Variants in VPS41 observed in about 807,000 individuals in gnomAD.
VPS41 encodes the protein VPS41 subunit of HOPS complex.
In VPS41, 85 loss-of-function variants were observed where a neutral mutation model predicts 130.9. The observed-to-expected ratio is 0.65, with a 90% confidence interval of 0.55 to 0.78. VPS41 has a LOEUF of 0.78. VPS41 is among the 30% of genes least tolerant of loss of function. The probability of loss-of-function intolerance (pLI) is 0.00; values close to 1 mark genes in which losing one functional copy is unlikely to be tolerated. For synonymous variants in VPS41, 335 were observed against 332.9 expected, an observed-to-expected ratio of 1.01 and a Z score of -0.07; for missense variants, 874 against 1,018.7, an observed-to-expected ratio of 0.86 and a Z score of 1.93.
At chr7:38,772,373 G>A in intron 13 of VPS41, 149 bp downstream of exon 13, 1 of 523,680 alleles carries the variant, frequency 1.9e-6, no homozygotes. Context: ...TTTCTGAAGG[G>A]GGTACTAGAA....
intron 5 of VPS41, among the ~76,000 whole-genome samples, chr7:38,825,237 A>C (rs778884461): frequency 6.6e-6 from 1 of 152,134 alleles, no homozygotes; most frequent in Non-Finnish European, 1.5e-5. Context: ...ACTGAGCAAC[A>C]TTTTCCTCAA....
intron 4 of VPS41, among the ~76,000 whole-genome samples, chr7:38,834,726 A>G (rs1295953094): frequency 6.6e-6 from 1 of 152,130 alleles, no homozygotes; most frequent in Non-Finnish European, 1.5e-5. Context: ...GCCCAGGAAA[A>G]TGTCTGAGAT....
chr7:38,797,261 G>C (rs1584400680), intron 7 of VPS41, among the ~76,000 whole-genome samples: 2 of 152,280 alleles, frequency 1.3e-5, no homozygotes, highest in East Asian at 3.9e-4. Context: ...CTGAAAATAA[G>C]ATATTAGTCA....
intron 14 of VPS41, among the ~76,000 whole-genome samples, chr7:38,768,612 T>C (rs1784094250): frequency 6.6e-6 from 1 of 152,220 alleles, no homozygotes; most frequent in Non-Finnish European, 1.5e-5. Context: ...ATTTCAAGTC[T>C]ATAGGAACAG....
chr7:38,894,865 G>A (rs139009273), intron 2 of VPS41, among the ~76,000 whole-genome samples: 354 of 152,238 alleles, frequency 2.3e-3, no homozygotes, highest in African/African-American at 8.1e-3. Context: ...CTCATCAGCT[G>A]TAGGACATTA....
chr7:38,766,744 T>C (rs1784052505), intron 15 of VPS41, among the ~76,000 whole-genome samples: 1 of 152,182 alleles, frequency 6.6e-6, no homozygotes, highest in African/African-American at 2.4e-5. Context: ...CTGATGGTAT[T>C]ATGAGGAGCT....
chr7:38,731,444 CTT>C (rs995084600), intron 25 of VPS41, among the ~76,000 whole-genome samples: 2 of 152,142 alleles, frequency 1.3e-5, no homozygotes, highest in African/African-American at 4.8e-5. Context: ...CCATGAGTGT[CTT>C]TTTTATAAAG....
At chr7:38,861,297 C>A (rs1268209692) in intron 4 of VPS41, among the ~76,000 whole-genome samples, 1 of 152,140 alleles carries the variant, frequency 6.6e-6, no homozygotes, top group Non-Finnish European at 1.5e-5. Flanking sequence ...TAAGAAACCA[C>A]ACAGTCAATC....
At chr7:38,853,724 A>T (rs1316827976) in intron 4 of VPS41, among the ~76,000 whole-genome samples, 2 of 152,204 alleles carry the variant, frequency 1.3e-5, no homozygotes, top group East Asian at 3.9e-4. Context: ...CCCAATTCAG[A>T]GTCATGTTCC....
At position 38,827,120 on chromosome 7, in the gene VPS41, A is replaced by C. The variant is rs1479829602; in HGVS notation, c.321+3134T>G. ...GGCGTGAGCCACTGCACTGGCCAAAAAGTTCTAATTTTAAAAAAATTAAAT... is the reference window on the plus strand; with the variant it reads ...GGCGTGAGCCACTGCACTGGCCAAACAGTTCTAATTTTAAAAAAATTAAAT... On this transcript the variant is annotated intron_variant, in intron 5 of 28. Coordinates refer to ENST00000310301, the MANE Select transcript of VPS41 (RefSeq NM_014396.4). 2.0e-5 allele frequency among the ~76,000 whole-genome samples: 3 copies of C among 152,284 alleles called. No homozygotes were observed. The East Asian group carries it at 5.8e-4, about 29-fold the overall frequency.
intron 7 of VPS41, among the ~76,000 whole-genome samples, chr7:38,817,223 C>T (rs2116098309): frequency 6.6e-6 from 1 of 152,174 alleles, no homozygotes; most frequent in East Asian, 1.9e-4. Context: ...TTTTTAAATG[C>T]TGCCTCTTTT....
intron 7 of VPS41, among the ~76,000 whole-genome samples, chr7:38,815,605 A>G (rs1480141066): frequency 6.6e-6 from 1 of 152,120 alleles, no homozygotes; most frequent in Non-Finnish European, 1.5e-5. Context: ...GTGCTGCCCA[A>G]AGGAGATTAA....
At chr7:38,858,953 C>T (rs1786043735) in intron 4 of VPS41, among the ~76,000 whole-genome samples, 1 of 152,110 alleles carries the variant, frequency 6.6e-6, no homozygotes, top group Non-Finnish European at 1.5e-5. Context: ...ATTGTTATCA[C>T]AGGAGATGAC....
At chr7:38,832,801 T>C (rs1457160424) in intron 4 of VPS41, among the ~76,000 whole-genome samples, 2 of 152,190 alleles carry the variant, frequency 1.3e-5, no homozygotes, top group Non-Finnish European at 2.9e-5. Context: ...TCTTCTTTTT[T>C]ACATCTATAC....
At chr7:38,809,266 C>T (rs1483904426) in intron 7 of VPS41, among the ~76,000 whole-genome samples, 7 of 150,704 alleles carry the variant, frequency 4.6e-5, no homozygotes, top group Non-Finnish European at 7.4e-5. Flanking sequence ...AGGCGGATCA[C>T]GAGGTCAGGA....
At chr7:38,800,022 C>T (rs1279035845) in intron 7 of VPS41, among the ~76,000 whole-genome samples, 4 of 151,978 alleles carry the variant, frequency 2.6e-5, no homozygotes, top group African/African-American at 9.7e-5. Flanking sequence ...GCATCATGGA[C>T]TCAAAGCTTT....
intron 4 of VPS41, among the ~76,000 whole-genome samples, chr7:38,849,318 T>C (rs1234222793): frequency 6.6e-6 from 1 of 152,166 alleles, no homozygotes; most frequent in Non-Finnish European, 1.5e-5. Flanking sequence ...TGTTACAGGA[T>C]GCTCTTTTAG....
rs780108229 is a variant in VPS41, at chr7:38,742,058, C to T, written c.2186G>A (p.Arg729His). Residue 729 changes from arginine to histidine, a missense_variant, in exon 25 of 29, where the codon CGT becomes CAT. By Grantham distance (29) the Arg-to-His change is conservative (BLOSUM62 0). Coordinates refer to ENST00000310301, the MANE Select transcript of VPS41 (RefSeq NM_014396.4). ...THVDPILLIH[R>H]IKEGMEIPNL... is the part of the protein sequence containing the mutation. ...GGGGATCTCCATTCCTTCCTTAATACGGTGAATCAGTAGAATTGGGTCAAC... is the reference window on the plus strand; with the variant it reads ...GGGGATCTCCATTCCTTCCTTAATATGGTGAATCAGTAGAATTGGGTCAAC... The T allele has an allele frequency of 3.1e-6, 5 of 1,613,076 alleles. No homozygotes were observed. Among genetic ancestry groups the T allele is most frequent in the Non-Finnish European group, 4.2e-6 (5 of 1,179,608 alleles).
intron 8 of VPS41, among the ~76,000 whole-genome samples, chr7:38,795,839 T>A (rs1784608927): frequency 1.3e-5 from 2 of 152,196 alleles, no homozygotes; most frequent in African/African-American, 4.8e-5. Flanking sequence ...TTAGATGGCA[T>A]GGGTGACTCA....
Sources: allele counts gnomAD v4.1 joint callset (sites outside exome capture counted in the v4.1 genomes callset), GRCh38; gene constraint gnomAD v4.1.1; transcripts MANE v1.5; gene names NCBI Gene and HGNC (gene_info 2026-07-23, HGNC 2026-07-21).